The following COX17 variants were observed in gnomAD, a reference collection of about 807,000 sequenced individuals.
COX17 encodes cytochrome c oxidase copper chaperone COX17.
A neutral mutation model predicts 6.3 loss-of-function variants in COX17; 1 was observed. The observed-to-expected ratio is 0.16, with a 90% CI of 0.06 to 0.75. COX17 has a LOEUF of 0.75. COX17 is among the 30% of genes least tolerant of loss of function. The probability of loss-of-function intolerance (pLI) is 0.77; values close to 1 mark genes in which losing one functional copy is unlikely to be tolerated. For missense variants in COX17, 73 were observed against 81.2 expected (o/e 0.90, Z 0.39); for synonymous variants, 26 against 30.5 (o/e 0.85, Z 0.49).
chr3:119,665,534 G>A (rs760959304), downstream of COX17, among the ~76,000 whole-genome samples: 34 of 152,192 alleles, frequency 2.2e-4, no homozygotes, highest in East Asian at 2.3e-3. Flanking sequence ...CCACCATGCC[G>A]AGCTAATGTT....
At chr3:119,668,983 T>C (rs905333295), downstream of COX17, among the ~76,000 whole-genome samples, 1 of 152,144 alleles carries the variant, frequency 6.6e-6, no homozygotes, top group African/African-American at 2.4e-5. Flanking sequence ...CCTAATTAAT[T>C]TCTAATTAAT....
At position 119,677,273 on chromosome 3, in the gene COX17, T is replaced by C; in HGVS notation, c.38A>G (p.Glu13Gly). The C allele has an allele frequency of 6.2e-7, 1 of 1,611,986 alleles. No homozygotes were observed. The highest frequency in any genetic ancestry group is 8.5e-7 in the Non-Finnish European group (1 of 1,179,974). ...CTTCAGCGGCTTCTTCTCCTGAGACTCAGGCGGGGCAGGGTTTGAGTCAAC... is the reference window on the plus strand; with the variant it reads ...CTTCAGCGGCTTCTTCTCCTGAGACCCAGGCGGGGCAGGGTTTGAGTCAAC... Reference protein sequence around the residue: ...GLVDSNPAPPESQEKKPLKPC... With the variant: ...GLVDSNPAPPGSQEKKPLKPC... Residue 13 changes from glutamate (E) to glycine (G), a missense_variant, in exon 1 of 3, where the codon GAG becomes GGG. Physicochemically the swap from Glu to Gly is moderately conservative, Grantham distance 98. Coordinates refer to ENST00000261070, the MANE Select transcript of COX17 (RefSeq NM_005694.2).
downstream of COX17, among the ~76,000 whole-genome samples, chr3:119,669,033 G>A (rs2053018175): frequency 6.6e-6 from 1 of 152,002 alleles, no homozygotes; most frequent in Admixed American, 6.6e-5. Flanking sequence ...AGAGACAACT[G>A]TCTACCCTGT....
chr3:119,676,705 C>A, intron 1 of COX17: 1 of 617,906 alleles, frequency 1.6e-6, no homozygotes, highest in Non-Finnish European at 2.9e-6. Context: ...CCTGTTTGGT[C>A]TTAACAAATC....
chr3:119,677,204 C>G lies in COX17; in HGVS notation c.107G>C (p.Cys36Ser). 2 of 1,609,094 alleles carry G rather than the reference C, an allele frequency of 1.2e-6. No individual in the cohort carries two copies. Among genetic ancestry groups the G allele is most frequent in the Non-Finnish European group, 1.7e-6 (2 of 1,178,552 alleles). Reference protein sequence around the residue: ...CPETKKARDACIIEKGEEHCG... With the variant: ...CPETKKARDASIIEKGEEHCG... ...GCGCCCTCTCCGGCTGCGCACTGAC[C>G]ACGCATCGCGCGCCTTCTTGGTCTC... is the stretch of plus-strand genomic sequence containing the variant. Residue 36 changes from cysteine (C) to serine (S), a missense_variant and splice_region_variant, in exon 1 of 3, where the codon TGT (cysteine) becomes TCT (serine). Transcript: ENST00000261070.
At chr3:119,666,615 A>G (rs959735704), downstream of COX17, among the ~76,000 whole-genome samples, 3 of 152,226 alleles carry the variant, frequency 2.0e-5, no homozygotes, top group Non-Finnish European at 2.9e-5. Context: ...ATTCAACTTT[A>G]TATTTCTACG....
intron 1 of COX17, 175 bp downstream of exon 1, chr3:119,677,029 G>T (rs1223184046): frequency 1.1e-5 from 6 of 559,724 alleles, no homozygotes; most frequent in African/African-American, 4.1e-5. Context: ...GGGGCGGGGG[G>T]GGGGGGCAGA....
chr3:119,670,797 C>T (rs966718742), intron 2 of COX17, among the ~76,000 whole-genome samples: 1 of 146,606 alleles, frequency 6.8e-6, no homozygotes, highest in Non-Finnish European at 1.5e-5. Context: ...TACAATTCAG[C>T]ATATTTTAAG....
downstream of COX17, among the ~76,000 whole-genome samples, chr3:119,666,163 A>T (rs2052990704): frequency 6.6e-6 from 1 of 152,220 alleles, no homozygotes; most frequent in Non-Finnish European, 1.5e-5. Flanking sequence ...TGTGTAAGCC[A>T]ATCAGCATAA....
chr3:119,667,660 C>CA (rs71156763), downstream of COX17, among the ~76,000 whole-genome samples: 15,448 of 114,048 alleles, frequency 0.14, 1,170 homozygotes, highest in East Asian at 0.22. Flanking sequence ...TCAGAGTAGC[C>CA]AAAAAAAAAA....
At chr3:119,673,122 A>C (rs2053061758) in intron 2 of COX17, among the ~76,000 whole-genome samples, 1 of 152,174 alleles carries the variant, frequency 6.6e-6, no homozygotes, top group African/African-American at 2.4e-5. Flanking sequence ...GTGGTGTGGA[A>C]GTTAGGGTAG....
At chr3:119,674,475 T>C (rs2053078442) in intron 2 of COX17, 1 of 152,244 alleles carries the variant, frequency 6.6e-6, no homozygotes, top group Non-Finnish European at 1.5e-5. Context: ...AAGCAATACT[T>C]CCGTGGGATA....
At chr3:119,668,164 A>G (rs2053011244), downstream of COX17, among the ~76,000 whole-genome samples, 1 of 152,220 alleles carries the variant, frequency 6.6e-6, no homozygotes, top group Non-Finnish European at 1.5e-5. Flanking sequence ...TTTGTTTTAA[A>G]AAATGTATAA....
downstream of COX17, among the ~76,000 whole-genome samples, chr3:119,664,588 G>A (rs966774023): frequency 7.2e-5 from 11 of 152,158 alleles, no homozygotes; most frequent in Non-Finnish European, 1.6e-4. Context: ...CGAGGCAGGC[G>A]GGGGCCATCT....
At chr3:119,667,287 T>A (rs1252018923), downstream of COX17, among the ~76,000 whole-genome samples, 1 of 152,132 alleles carries the variant, frequency 6.6e-6, no homozygotes, top group African/African-American at 2.4e-5. Flanking sequence ...CTCTTTTCAT[T>A]ATTACCGAAA....
chr3:119,674,962 C>G (rs537851060), intron 2 of COX17, among the ~76,000 whole-genome samples, 183 bp downstream of exon 2: 1 of 152,160 alleles, frequency 6.6e-6, no homozygotes, highest in African/African-American at 2.4e-5. Context: ...TTCCCCAATC[C>G]GCTAAATGAC....
chr3:119,673,546 G>A (rs1016092140), intron 2 of COX17, among the ~76,000 whole-genome samples: 1 of 152,208 alleles, frequency 6.6e-6, no homozygotes, highest in African/African-American at 2.4e-5. Context: ...TACCAGACTG[G>A]CAAGTGCAGA....
intron 2 of COX17, among the ~76,000 whole-genome samples, chr3:119,673,895 C>T (rs2053070056): frequency 6.6e-6 from 1 of 152,122 alleles, no homozygotes; most frequent in East Asian, 1.9e-4. Context: ...GTGCCACTGC[C>T]CGGCTGCCCA....
chr3:119,667,410 T>C (rs543221018), downstream of COX17, among the ~76,000 whole-genome samples: 11 of 152,232 alleles, frequency 7.2e-5, no homozygotes, highest in African/African-American at 2.6e-4. Flanking sequence ...TCAGTTCCCT[T>C]ACAAATCAGG....
Sources: allele counts gnomAD v4.1 joint callset (sites outside exome capture counted in the v4.1 genomes callset), GRCh38; gene constraint gnomAD v4.1.1; transcripts MANE v1.5; gene names NCBI Gene and HGNC (gene_info 2026-07-23, HGNC 2026-07-21).